ZNG1B: variants seen among roughly 807,000 people sequenced by gnomAD.
ZNG1B encodes Zn regulated GTPase metalloprotein activator 1B, also known as zinc-regulated GTPase metalloprotein activator 1B.
At chr2:113,442,885 TTATAGATAACAAGCATTTCAAATA>T in the ZNG1B span, among the ~76,000 whole-genome samples, 1 of 152,144 alleles carries the variant, frequency 6.6e-6, no homozygotes, top group African/African-American at 2.4e-5. Flanking sequence ...AAAATAATTC[TTATAGATAACAAGCATTTCAAATA>T]TAGTTTATTC....
At chr2:113,493,221 A>AT in the ZNG1B span, among the ~76,000 whole-genome samples, 34 of 128,050 alleles carry the variant, frequency 2.7e-4, 2 homozygotes, top group Admixed American at 7.7e-4. Flanking sequence ...TTTCTTTTGT[A>AT]TTTTTTTTTT....
At chr2:113,489,207 C>G in the ZNG1B span, among the ~76,000 whole-genome samples, 1 of 150,816 alleles carries the variant, frequency 6.6e-6, no homozygotes, top group Admixed American at 6.6e-5. Context: ...TATCTTCAGC[C>G]TCCTCAAACA....
chr2:113,461,565 A>C, the ZNG1B span, among the ~76,000 whole-genome samples: 2 of 148,944 alleles, frequency 1.3e-5, no homozygotes, highest in Admixed American at 1.4e-4. Flanking sequence ...GAGATAAAGC[A>C]TAAGACCCTG....
chr2:113,483,253 A>T, the ZNG1B span, among the ~76,000 whole-genome samples: 1 of 150,916 alleles, frequency 6.6e-6, no homozygotes, highest in East Asian at 1.9e-4. Flanking sequence ...CTCACTTTCC[A>T]TGAGCGTTTG....
At chr2:113,474,164 A>C in the ZNG1B span, among the ~76,000 whole-genome samples, 100 of 151,998 alleles carry the variant, frequency 6.6e-4, no homozygotes, top group Non-Finnish European at 9.9e-4. Flanking sequence ...ACAATTTCAG[A>C]TCCTGTTATT....
chr2:113,445,879 A>G, the ZNG1B span, among the ~76,000 whole-genome samples: 24,305 of 151,054 alleles, frequency 0.16, 2,468 homozygotes, highest in Non-Finnish European at 0.24. Flanking sequence ...GTAATTTACT[A>G]AACAGGTCAT....
chr2:113,443,365 G>C, the ZNG1B span, among the ~76,000 whole-genome samples: 2 of 151,624 alleles, frequency 1.3e-5, no homozygotes, highest in African/African-American at 4.9e-5. Context: ...AAAAGAAAAA[G>C]ATAGATAAGG....
the ZNG1B span, among the ~76,000 whole-genome samples, chr2:113,488,951 A>G: frequency 3.4e-5 from 5 of 146,942 alleles, 1 homozygote; most frequent in African/African-American, 1.3e-4. Flanking sequence ...ATTTGGGGGA[A>G]TAATTGAGGA....
chr2:113,464,487 G>T, the ZNG1B span, among the ~76,000 whole-genome samples: 2 of 105,780 alleles, frequency 1.9e-5, no homozygotes, highest in Non-Finnish European at 4.1e-5. Context: ...AATAGATGAG[G>T]TGTACAGTGT....
At chr2:113,454,034 A>G in the ZNG1B span, among the ~76,000 whole-genome samples, 2 of 152,172 alleles carry the variant, frequency 1.3e-5, no homozygotes, top group African/African-American at 4.8e-5. Context: ...CTTTTTAAAA[A>G]CCAGTCGAAA....
chr2:113,450,310 G>A, the ZNG1B span, among the ~76,000 whole-genome samples: 168 of 142,076 alleles, frequency 1.2e-3, 2 homozygotes, highest in African/African-American at 4.1e-3. Context: ...TTGTTCGTAT[G>A]TATTCTAATT....
chr2:113,445,083 AATATAGTTCTGTG>A, the ZNG1B span: 1 of 1,605,906 alleles, frequency 6.2e-7, no homozygotes. Context: ...TAATAACCAG[AATATAGTTCTGTG>A]ATATACTGTA....
At chr2:113,451,074 TCTC>T in the ZNG1B span, among the ~76,000 whole-genome samples, 1 of 152,238 alleles carries the variant, frequency 6.6e-6, no homozygotes, top group African/African-American at 2.4e-5. Flanking sequence ...GACCTGACCT[TCTC>T]CTTCCCAAAG....
chr2:113,476,792 C>G, the ZNG1B span, among the ~76,000 whole-genome samples: 24 of 152,228 alleles, frequency 1.6e-4, no homozygotes, highest in African/African-American at 5.8e-4. Flanking sequence ...AGGTGTCAGT[C>G]TGCCTCTGCT....
the ZNG1B span, among the ~76,000 whole-genome samples, chr2:113,477,357 A>C: frequency 2.0e-5 from 3 of 152,100 alleles, no homozygotes; most frequent in Non-Finnish European, 4.4e-5. Flanking sequence ...AAGTGAGGCA[A>C]TGCCTCGCCC....
the ZNG1B span, among the ~76,000 whole-genome samples, chr2:113,487,431 C>A: frequency 1.4e-4 from 22 of 152,252 alleles, 1 homozygote; most frequent in South Asian, 4.3e-3. Context: ...TTTAAGGGTA[C>A]AATATAGTAT....
chr2:113,450,338 A>T, the ZNG1B span, among the ~76,000 whole-genome samples: 2 of 141,298 alleles, frequency 1.4e-5, no homozygotes, highest in East Asian at 2.3e-4. Flanking sequence ...TTTGTCTTTT[A>T]CCTTTGCATT....
the ZNG1B span, among the ~76,000 whole-genome samples, chr2:113,439,874 A>ATTTT: frequency 3.0e-3 from 205 of 68,894 alleles, 26 homozygotes; most frequent in South Asian, 1.0e-2. Flanking sequence ...CCTTCCCTTA[A>ATTTT]TTTTTTTTTT....
At chr2:113,450,947 C>T in the ZNG1B span, among the ~76,000 whole-genome samples, 1 of 147,280 alleles carries the variant, frequency 6.8e-6, no homozygotes, top group African/African-American at 2.5e-5. Context: ...CTTGAAGTAC[C>T]AAGTATTTCA....
Sources: gnomAD v4.1 joint callset for allele counts (sites outside exome capture counted in the v4.1 genomes callset) on GRCh38, gnomAD v4.1.1 for gene constraint, MANE v1.5 for transcripts, NCBI Gene and HGNC (gene_info 2026-07-23, HGNC 2026-07-21) for gene names.